The following LRP12 variants were observed in gnomAD, a reference collection of about 807,000 sequenced individuals.
The protein encoded by LRP12 is LDL receptor related protein 12.
A neutral mutation model predicts 66.0 loss-of-function variants in LRP12; 14 were observed. The ratio of observed to expected loss-of-function variants is 0.21; its 90% CI spans 0.14 to 0.33. The LOEUF (loss-of-function observed/expected upper bound fraction) is 0.33. Ranked by LOEUF, LRP12 falls within the 10% of genes least tolerant of loss-of-function variation. LRP12 has a pLI of 1.00. For missense variants in LRP12, 889 were observed against 1,053.4 expected, an observed-to-expected ratio of 0.84 and a Z score of 2.16; for synonymous variants, 357 against 359.1, an observed-to-expected ratio of 0.99 and a Z score of 0.07.
At position 104,491,045 on chromosome 8, in the gene LRP12, C is replaced by A; in HGVS notation, c.2208G>T (p.Gly736=). The A allele has an allele frequency of 1.2e-6, 2 of 1,614,128 alleles. No homozygotes were observed. Among genetic ancestry groups the A allele is most frequent in the South Asian group, 2.2e-5 (2 of 91,070 alleles). Residue 736 remains glycine (G), a synonymous_variant, in exon 7 of 7, where the codon GGG becomes GGT. Coordinates refer to ENST00000276654, the MANE Select transcript of LRP12 (RefSeq NM_013437.5). ...CTAATGTAAAACGTACCCAGCGTAG[C>A]CCCTGAGTCATACGACTGAGTGCAC... The part of the protein sequence containing the change: ...LTSALSRMTQ[G]LRWVRFTLGR...
intron 6 of LRP12, 126 bp from the exon 7 acceptor site, chr8:104,491,665 G>T (rs1429905268): frequency 4.1e-6 from 3 of 734,706 alleles, no homozygotes; most frequent in Non-Finnish European, 4.2e-6. Context: ...TTGCTTTTGG[G>T]TCTAAGAAGG....
intron 1 of LRP12, among the ~76,000 whole-genome samples, chr8:104,548,051 T>G (rs1811628711): frequency 8.2e-6 from 1 of 121,606 alleles, no homozygotes; most frequent in Non-Finnish European, 1.6e-5. Flanking sequence ...TCTGTTATAT[T>G]ATATTTTGTA....
chr8:104,508,714 G>C (rs1271594424), intron 3 of LRP12: 1 of 404,208 alleles, frequency 2.5e-6, no homozygotes, highest in Admixed American at 3.8e-5. Context: ...GAAGAATATA[G>C]ATGATTCAAT....
In LRP12 at chr8:104,531,957, C is replaced by A. The variant is rs199687240; in HGVS notation, c.86G>T (p.Gly29Val). ...LLFLAGVYGN[G>V]ALAEHSENVH... Reference sequence around the variant, plus strand: ...ATTTTCAGAATGTTCTGCAAGAGCACCATTTCCTAAAATTAAACATAATGA... The same window carrying A: ...ATTTTCAGAATGTTCTGCAAGAGCAACATTTCCTAAAATTAAACATAATGA... The change falls in exon 2 of 7, where the codon GGT becomes GTT. Residue 29 changes from glycine to valine, a missense_variant. By Grantham distance (109) the Gly-to-Val change is moderately radical. Around this residue, in one of 3 missense-constraint regions of LRP12, gnomAD observed 88 missense variants for 72.5 expected, o/e 1.21. Coordinates refer to ENST00000276654, the MANE Select transcript of LRP12 (RefSeq NM_013437.5). 1 of 1,584,062 alleles carries A rather than the reference C, an allele frequency of 6.3e-7. No homozygotes were observed. Among genetic ancestry groups the A allele is most frequent in the Admixed American group, 1.9e-5 (1 of 53,496 alleles).
At chr8:104,520,457 G>C (rs1001259358) in intron 2 of LRP12, among the ~76,000 whole-genome samples, 1 of 151,986 alleles carries the variant, frequency 6.6e-6, no homozygotes, top group African/African-American at 2.4e-5. Context: ...CCTCACTTAA[G>C]CTAACAAACT....
intron 1 of LRP12, among the ~76,000 whole-genome samples, chr8:104,555,111 G>T (rs980222477): frequency 6.6e-6 from 1 of 152,112 alleles, no homozygotes; most frequent in African/African-American, 2.4e-5. Flanking sequence ...TACAAGAACT[G>T]TTAAAAGGAG....
chr8:104,502,473 A>G (rs533649331), intron 3 of LRP12, among the ~76,000 whole-genome samples: 2 of 152,114 alleles, frequency 1.3e-5, no homozygotes, highest in Non-Finnish European at 2.9e-5. Context: ...CCTTTCCAGG[A>G]GTTACCTTAT....
chr8:104,526,048 G>C (rs901971879), intron 2 of LRP12, among the ~76,000 whole-genome samples: 1 of 152,178 alleles, frequency 6.6e-6, no homozygotes, highest in Admixed American at 6.5e-5. Flanking sequence ...CAGACAAACA[G>C]AGAGCCAAAT....
Position 104,547,717 on chromosome 8 carries a change from TTA to T in LRP12, c.80-15756_80-15755del, listed in dbSNP as rs1248623384. ...ATCATATATTATATATAATTCTATA[TTA>T]TGTTATATTTTGTATATAATATATA... On this transcript the variant is annotated intron_variant, in intron 1 of 6. Transcript: ENST00000276654. Among the ~76,000 whole-genome samples the T allele has an allele frequency of 3.4e-3, 426 of 126,922 alleles. 1 individual carries two copies. The highest frequency in any genetic ancestry group is 8.7e-3 in the African/African-American group (287 of 33,012). The allele number at this position is 126,922 out of a possible 152,430, so 83.3% of individuals were successfully genotyped here. A position where few individuals can be genotyped will look rare whatever the true frequency, so the allele number is the denominator to read the frequency against.
chr8:104,544,728 G>A lies in LRP12; in HGVS notation c.80-12765C>T, dbSNP rs138592261. 5.5e-4 allele frequency among the ~76,000 whole-genome samples: 83 copies of A among 152,084 alleles called. 1 individual carries two copies. The highest frequency in any genetic ancestry group is 1.3e-3 in the Admixed American group (20 of 15,272). On this transcript the variant is annotated intron_variant, in intron 1 of 6. Coordinates refer to ENST00000276654, the MANE Select transcript of LRP12 (RefSeq NM_013437.5). ...TTTAAGCCCACTCTTGAGACCATCC[G>A]CTCAGAAAAAAAGATTCCTTTCAAA... is the stretch of plus-strand genomic sequence containing the variant.
At chr8:104,521,625 A>ATC (rs1167114087) in intron 2 of LRP12, among the ~76,000 whole-genome samples, 43 of 151,608 alleles carry the variant, frequency 2.8e-4, no homozygotes, top group African/African-American at 9.6e-4. Context: ...ATATATATAT[A>ATC]TCAAGAATTT....
intron 1 of LRP12, among the ~76,000 whole-genome samples, chr8:104,575,780 G>C (rs1812155639): frequency 6.6e-6 from 1 of 152,004 alleles, no homozygotes; most frequent in Admixed American, 6.6e-5. Flanking sequence ...TAAGATGACT[G>C]AATGACAGAA....
chr8:104,548,307 TA>T (rs1564142102), intron 1 of LRP12, among the ~76,000 whole-genome samples: 120 of 40,250 alleles, frequency 3.0e-3, no homozygotes, highest in African/African-American at 0.014. Context: ...ATATAATATA[TA>T]TTATATAAAT....
At chr8:104,581,911 T>C (rs1203230418) in intron 1 of LRP12, among the ~76,000 whole-genome samples, 1 of 152,212 alleles carries the variant, frequency 6.6e-6, no homozygotes, top group Non-Finnish European at 1.5e-5. Context: ...CTGTATTCTC[T>C]TAGCAAAACT....
At chr8:104,578,602 A>T (rs1247846932) in intron 1 of LRP12, among the ~76,000 whole-genome samples, 1 of 152,182 alleles carries the variant, frequency 6.6e-6, no homozygotes, top group Non-Finnish European at 1.5e-5. Flanking sequence ...ACAAACAAGC[A>T]AAAACAAAAA....
At chr8:104,514,521 A>G (rs1303677674) in intron 2 of LRP12, among the ~76,000 whole-genome samples, 1 of 150,344 alleles carries the variant, frequency 6.7e-6, no homozygotes, top group Non-Finnish European at 1.5e-5. Context: ...AGCCTGGCCA[A>G]TATGGTGAAA....
chr8:104,542,208 T>C (rs1219906366), intron 1 of LRP12, among the ~76,000 whole-genome samples: 1 of 152,194 alleles, frequency 6.6e-6, no homozygotes, highest in African/African-American at 2.4e-5. Flanking sequence ...TGAAGTGATA[T>C]ATCATTATGG....
chr8:104,572,264 G>A (rs1442359237), intron 1 of LRP12, among the ~76,000 whole-genome samples: 1 of 152,180 alleles, frequency 6.6e-6, no homozygotes, highest in East Asian at 1.9e-4. Flanking sequence ...ACATGGTTGT[G>A]ACTATAAAGG....
chr8:104,553,640 A>T (rs1022856293), intron 1 of LRP12, among the ~76,000 whole-genome samples: 1 of 152,118 alleles, frequency 6.6e-6, no homozygotes, highest in African/African-American at 2.4e-5. Flanking sequence ...CCCCCACCTG[A>T]TGATCTTTTT....
Sources: allele counts gnomAD v4.1 joint callset (sites outside exome capture counted in the v4.1 genomes callset), GRCh38; gene constraint gnomAD v4.1.1; regional missense constraint gnomAD v4.1.1; transcripts MANE v1.5; gene names NCBI Gene and HGNC (gene_info 2026-07-23, HGNC 2026-07-21).